MITD1: variants seen among roughly 807,000 people sequenced by gnomAD.
MITD1 encodes MIT domain-containing protein 1.
MITD1 carries 24 observed loss-of-function variants against 34.9 expected under a neutral mutation model. That is an observed-to-expected ratio of 0.69 (90% CI 0.50 to 0.97). The LOEUF (loss-of-function observed/expected upper bound fraction) is 0.97, where lower values mean the gene tolerates loss of function less well. MITD1 is among the 50% of genes least tolerant of loss of function. The pLI is 0.00. For missense variants in MITD1, 266 were observed against 294.6 expected (o/e 0.90, Z 0.71); for synonymous variants, 102 against 101.4 (o/e 1.01, Z -0.04).
At chr2:99,168,729 G>GTAACAAAAT (rs2093838105), downstream of MITD1, among the ~76,000 whole-genome samples, 1 of 152,082 alleles carries the variant, frequency 6.6e-6, no homozygotes, top group African/African-American at 2.4e-5. Flanking sequence ...TCTCTTAATT[G>GTAACAAAAT]TAACAAAATT....
intron 1 of MITD1, among the ~76,000 whole-genome samples, chr2:99,177,001 C>T (rs575228129): frequency 4.3e-4 from 65 of 152,256 alleles, no homozygotes; most frequent in Non-Finnish European, 7.8e-4. Context: ...ACACATACAT[C>T]TATATATACA....
At chr2:99,161,900 A>G (rs577071223), downstream of MITD1, 1 of 1,399,122 alleles carries the variant, frequency 7.1e-7, no homozygotes, top group South Asian at 1.4e-5. Context: ...GTTAGAAAAT[A>G]GAATTTAATG....
chr2:99,170,442 A>G (rs2093849633), intron 5 of MITD1, 95 bp downstream of exon 5: 2 of 301,288 alleles, frequency 6.6e-6, no homozygotes, highest in Non-Finnish European at 6.1e-6. Context: ...ATATTTATAA[A>G]TTATTAAATA....
downstream of MITD1, among the ~76,000 whole-genome samples, chr2:99,164,700 T>C (rs1369981238): frequency 1.3e-5 from 2 of 152,174 alleles, no homozygotes; most frequent in Admixed American, 1.3e-4. Flanking sequence ...CCTTTTGTTA[T>C]TTAAAAGCAA....
chr2:99,175,961 G>C (rs1341054822), intron 1 of MITD1, among the ~76,000 whole-genome samples: 7 of 152,156 alleles, frequency 4.6e-5, no homozygotes, highest in African/African-American at 1.7e-4. Flanking sequence ...GTTTCGCTGA[G>C]ACACAGTCTG....
intron 7 of MITD1, chr2:99,163,165 T>C: frequency 1.2e-6 from 1 of 824,238 alleles, no homozygotes. Flanking sequence ...AAACCTAGTC[T>C]CTTTTAGTAA....
At chr2:99,180,768 C>T in intron 1 of MITD1, 63 bp downstream of exon 1, 1 of 1,419,006 alleles carries the variant, frequency 7.0e-7, no homozygotes, top group Non-Finnish European at 9.9e-7. Context: ...TTCACTTCAC[C>T]CCAGACACAG....
chr2:99,179,206 C>G (rs75253574), intron 1 of MITD1, among the ~76,000 whole-genome samples: 1 of 152,186 alleles, frequency 6.6e-6, no homozygotes, highest in Admixed American at 6.5e-5. Flanking sequence ...TGTGATTCTC[C>G]TGCTTCAGAT....
At chr2:99,168,978 T>TTTTTTTTTTTTTTTG (rs70940146), downstream of MITD1, among the ~76,000 whole-genome samples, 3 of 103,030 alleles carry the variant, frequency 2.9e-5, 1 homozygote, top group African/African-American at 1.1e-4. Flanking sequence ...TTTTTTTTTT[T>TTTTTTTTTTTTTTTG]CTGATACAGG....
chr2:99,161,677 G>GA (rs140517012), downstream of MITD1: 1,484 of 239,398 alleles, frequency 6.2e-3, no homozygotes, highest in Middle Eastern at 8.8e-3. Flanking sequence ...GTCTGTAAGA[G>GA]AAAAAAAAAA....
downstream of MITD1, among the ~76,000 whole-genome samples, chr2:99,167,342 T>G (rs2093831759): frequency 6.6e-6 from 1 of 152,198 alleles, no homozygotes; most frequent in Non-Finnish European, 1.5e-5. Context: ...TGTCCCTCCA[T>G]AAAGCTTATA....
intron 2 of MITD1, chr2:99,173,333 A>G: frequency 2.7e-6 from 1 of 367,770 alleles, no homozygotes. Context: ...GCACTCAGGT[A>G]AGGGTGGAAA....
intron 1 of MITD1, among the ~76,000 whole-genome samples, chr2:99,178,714 A>T (rs1288156343): frequency 6.6e-6 from 1 of 152,152 alleles, no homozygotes; most frequent in Admixed American, 6.5e-5. Flanking sequence ...AGAAAAGAGC[A>T]CATTCCTGAA....
intron 7 of MITD1, chr2:99,162,307 T>A: frequency 6.2e-7 from 1 of 1,613,174 alleles, no homozygotes. Context: ...AATTTGACTT[T>A]CTTTACAACC....
At position 99,171,438 on chromosome 2, in the gene MITD1, C is replaced by G. The variant is rs1189742005; in HGVS notation, c.391-9G>C. 3.7e-6 allele frequency: 6 copies of G among 1,604,196 alleles called. No homozygotes were observed. The highest frequency in any genetic ancestry group is 5.1e-6 in the Non-Finnish European group (6 of 1,171,490). On this transcript the variant is annotated splice_polypyrimidine_tract_variant and intron_variant, in intron 3 of 6. Transcript: ENST00000289359. ...CGAAGAAAGTTATACAGCTAAAAGA[C>G]ATTAGAATGGATTATTACTAATTTA... is the stretch of plus-strand genomic sequence containing the variant.
chr2:99,165,017 C>G (rs1054455030), downstream of MITD1, among the ~76,000 whole-genome samples: 18 of 96,332 alleles, frequency 1.9e-4, no homozygotes, highest in Non-Finnish European at 3.0e-4. Context: ...GTCAAAATGG[C>G]ATACACACAC....
chr2:99,167,150 T>G (rs2093831167), downstream of MITD1, among the ~76,000 whole-genome samples: 2 of 152,064 alleles, frequency 1.3e-5, no homozygotes, highest in African/African-American at 4.8e-5. Flanking sequence ...TATTTGCCCA[T>G]GCCTATGCCC....
In MITD1 at chr2:99,169,301, T is replaced by C; in HGVS notation, c.*74A>G. 2.8e-6 allele frequency: 2 copies of C among 712,770 alleles called. No homozygotes were observed. Among genetic ancestry groups the C allele is most frequent in the Admixed American group, 2.9e-5 (1 of 34,990 alleles). The allele number at this position is 712,770 out of a possible 1,614,324, so 44.2% of individuals were successfully genotyped here. On this transcript the variant is annotated 3_prime_UTR_variant, in exon 7 of 7. Transcript: ENST00000289359. ...AAAAGTTTATTGTTAAATTCATACA[T>C]TATAAAAGTGATCTTTTAAAAAAAA... is the stretch of plus-strand genomic sequence containing the variant.
At chr2:99,179,407 CTTGA>C (rs1478688582) in intron 1 of MITD1, among the ~76,000 whole-genome samples, 4 of 152,132 alleles carry the variant, frequency 2.6e-5, no homozygotes, top group African/African-American at 4.8e-5. Flanking sequence ...TCAACTCCTA[CTTGA>C]TAGGGCAATT....
Sources: gnomAD v4.1 joint callset for allele counts (sites outside exome capture counted in the v4.1 genomes callset) on GRCh38, gnomAD v4.1.1 for gene constraint, MANE v1.5 for transcripts, NCBI Gene and HGNC (gene_info 2026-07-23, HGNC 2026-07-21) for gene names.